The following UHRF2 variants were observed in gnomAD, a reference collection of about 807,000 sequenced individuals.
The protein encoded by UHRF2 is E3 ubiquitin-protein ligase UHRF2.
In UHRF2, 23 loss-of-function variants were observed where a neutral mutation model predicts 96.8. The ratio of observed to expected loss-of-function variants is 0.24; its 90% CI spans 0.17 to 0.34. The LOEUF (loss-of-function observed/expected upper bound fraction) is 0.34, where lower values mean the gene tolerates loss of function less well. Among genes scored for constraint, UHRF2 ranks in the 10% least tolerant of loss-of-function variants. The probability of loss-of-function intolerance (pLI) is 1.00; values close to 1 mark genes in which losing one functional copy is unlikely to be tolerated. For missense variants in UHRF2, 685 were observed against 981.5 expected (o/e 0.70, Z 4.04); for synonymous variants, 385 against 332.6 (o/e 1.16, Z -1.72).
At chr9:6,468,290 C>T (rs755580443) in intron 4 of UHRF2, 4 of 360,632 alleles carry the variant, frequency 1.1e-5, no homozygotes, top group South Asian at 2.1e-5. Context: ...TGGCTTTGGC[C>T]TTGAATTTGT....
chr9:6,471,086 A>G (rs1203303913), intron 4 of UHRF2, among the ~76,000 whole-genome samples: 1 of 152,252 alleles, frequency 6.6e-6, no homozygotes, highest in Non-Finnish European at 1.5e-5. Flanking sequence ...AGAAGATGAC[A>G]ACAGCAAAGA....
intron 3 of UHRF2, among the ~76,000 whole-genome samples, chr9:6,437,896 G>A (rs1348591792): frequency 6.6e-6 from 1 of 152,266 alleles, no homozygotes; most frequent in East Asian, 1.9e-4. Flanking sequence ...ACAGGTGTGA[G>A]CCACCGCACC....
At position 6,485,397 on chromosome 9, in the gene UHRF2, A is replaced by G. The variant is rs181534751; in HGVS notation, c.1393-1424A>G. On this transcript the variant is annotated intron_variant, in intron 8 of 15. Coordinates refer to ENST00000276893, the MANE Select transcript of UHRF2 (RefSeq NM_152896.3). ...CCTCCTTATATAGTCTAAGATGACT[A>G]TGAGGTTGTTTTCCTGAGCATCTAG... is the stretch of plus-strand genomic sequence containing the variant. Among the ~76,000 whole-genome samples, 8 of 152,136 alleles carry G rather than the reference A, an allele frequency of 5.3e-5. No individual in the cohort carries two copies. In the East Asian group the frequency reaches 7.7e-4, roughly 15 times the overall value.
chr9:6,440,233 T>C (rs1587795076), intron 3 of UHRF2, among the ~76,000 whole-genome samples: 1 of 152,330 alleles, frequency 6.6e-6, no homozygotes, highest in African/African-American at 2.4e-5. Context: ...TTTTTAATAA[T>C]ATCTGTGGCA....
At chr9:6,473,966 G>C (rs1823405922) in intron 4 of UHRF2, among the ~76,000 whole-genome samples, 1 of 152,212 alleles carries the variant, frequency 6.6e-6, no homozygotes, top group Admixed American at 6.5e-5. Context: ...CTTGTTAACA[G>C]ATTTCAAGGA....
chr9:6,455,522 T>C (rs1490557768), intron 3 of UHRF2, among the ~76,000 whole-genome samples: 1 of 152,246 alleles, frequency 6.6e-6, no homozygotes, highest in East Asian at 1.9e-4. Flanking sequence ...CCACATTTTC[T>C]TAATCCAGTC....
chr9:6,490,539 A>T (rs1359585423), intron 9 of UHRF2, among the ~76,000 whole-genome samples: 1 of 152,188 alleles, frequency 6.6e-6, no homozygotes, highest in East Asian at 1.9e-4. Flanking sequence ...GAGGCAGGAG[A>T]ATCACTTGAA....
At chr9:6,422,588 A>G in intron 2 of UHRF2, 1 of 553,734 alleles carries the variant, frequency 1.8e-6, no homozygotes, top group Non-Finnish European at 3.4e-6. Flanking sequence ...GAACATTAAA[A>G]GACTTGACTT....
intron 1 of UHRF2, among the ~76,000 whole-genome samples, chr9:6,418,285 A>G (rs1819730419): frequency 6.7e-6 from 1 of 148,288 alleles, no homozygotes. Context: ...TTTTAAATCA[A>G]GGAAGCAATA....
intron 3 of UHRF2, among the ~76,000 whole-genome samples, chr9:6,452,582 A>C (rs1382501067): frequency 6.6e-6 from 1 of 152,226 alleles, no homozygotes; most frequent in East Asian, 1.9e-4. Context: ...TGAGAAAGGT[A>C]GATTTTAACT....
chr9:6,453,941 A>G (rs1233191194), intron 3 of UHRF2, among the ~76,000 whole-genome samples: 3 of 152,144 alleles, frequency 2.0e-5, no homozygotes, highest in African/African-American at 7.2e-5. Flanking sequence ...AATGGAGAAG[A>G]GTAGAACTAT....
At chr9:6,502,856 A>G (rs918617905) in intron 14 of UHRF2, among the ~76,000 whole-genome samples, 3 of 152,218 alleles carry the variant, frequency 2.0e-5, no homozygotes, top group East Asian at 3.8e-4. Context: ...CATAATTGCC[A>G]TATTTTAAAA....
At chr9:6,472,879 A>G (rs1322677878) in intron 4 of UHRF2, among the ~76,000 whole-genome samples, 1 of 152,330 alleles carries the variant, frequency 6.6e-6, no homozygotes, top group Non-Finnish European at 1.5e-5. Context: ...AGGAAAAAAG[A>G]CACATAATTT....
chr9:6,419,883 G>A (rs1340935376), intron 1 of UHRF2, among the ~76,000 whole-genome samples: 1 of 151,802 alleles, frequency 6.6e-6, no homozygotes, highest in Admixed American at 6.6e-5. Context: ...GGGACCACAG[G>A]CATGTACAAT....
intron 3 of UHRF2, among the ~76,000 whole-genome samples, chr9:6,450,685 T>G (rs1028467899): frequency 1.3e-5 from 2 of 152,208 alleles, no homozygotes. Context: ...CAGTGCCTTT[T>G]AACACCTATT....
intron 3 of UHRF2, among the ~76,000 whole-genome samples, chr9:6,448,790 C>T (rs981157536): frequency 1.3e-5 from 2 of 152,210 alleles, no homozygotes; most frequent in African/African-American, 4.8e-5. Context: ...TGGCAGTAGA[C>T]AGACTACTTG....
chr9:6,499,972 TTTGTTGTTG>T, intron 13 of UHRF2, 41 bp downstream of exon 13: 1 of 1,438,774 alleles, frequency 7.0e-7, no homozygotes, highest in Non-Finnish European at 9.6e-7. Context: ...ATAACATACT[TTTGTTGTTG>T]TTGTTGTTGA....
chr9:6,493,436 T>G (rs1824786842), intron 9 of UHRF2, among the ~76,000 whole-genome samples: 1 of 151,986 alleles, frequency 6.6e-6, no homozygotes, highest in African/African-American at 2.4e-5. Flanking sequence ...TTATGGAGTG[T>G]TTGTTGAAGT....
intron 14 of UHRF2, among the ~76,000 whole-genome samples, chr9:6,502,206 C>G (rs1816326800): frequency 6.6e-6 from 1 of 152,170 alleles, no homozygotes; most frequent in Non-Finnish European, 1.5e-5. Flanking sequence ...ATCAGCAGCC[C>G]TACCTACATC....
Sources: gnomAD v4.1 joint callset for allele counts (sites outside exome capture counted in the v4.1 genomes callset) on GRCh38, gnomAD v4.1.1 for gene constraint, MANE v1.5 for transcripts, NCBI Gene and HGNC (gene_info 2026-07-23, HGNC 2026-07-21) for gene names.